The following SCAI variants were observed in gnomAD, a reference collection of about 807,000 sequenced individuals.
SCAI encodes the protein protein SCAI.
Under a neutral mutation model 92.2 loss-of-function variants are expected in SCAI, and 24 were observed. The ratio of observed to expected loss-of-function variants is 0.26; its 90% CI spans 0.19 to 0.37. The LOEUF (loss-of-function observed/expected upper bound fraction) is 0.37. Among genes scored for constraint, SCAI ranks in the 10% least tolerant of loss-of-function variants. SCAI has a pLI of 1.00. For missense variants in SCAI, 450 were observed against 736.2 expected (o/e 0.61, Z 4.50); for synonymous variants, 261 against 258.6 (o/e 1.01, Z -0.09).
chr9:125,046,432 T>C (rs913641745), intron 3 of SCAI, among the ~76,000 whole-genome samples: 1 of 145,042 alleles, frequency 6.9e-6, no homozygotes, highest in Non-Finnish European at 1.5e-5. Context: ...GAGACCATTA[T>C]TCTAAGTTAA....
At chr9:125,025,208 C>A (rs1832944849) in intron 6 of SCAI, among the ~76,000 whole-genome samples, 1 of 152,204 alleles carries the variant, frequency 6.6e-6, no homozygotes, top group East Asian at 1.9e-4. Context: ...CAAGGTTTTG[C>A]ACACCAGATT....
intron 17 of SCAI, 109 bp downstream of exon 17, chr9:124,971,261 A>G (rs146836759): frequency 5.2e-5 from 28 of 533,904 alleles, no homozygotes; most frequent in Non-Finnish European, 8.7e-5. Flanking sequence ...GAATTTATCC[A>G]AAATAATATT....
chr9:125,116,341 A>G (rs924030650), intron 2 of SCAI, among the ~76,000 whole-genome samples: 33 of 152,224 alleles, frequency 2.2e-4, no homozygotes, highest in African/African-American at 7.7e-4. Flanking sequence ...TCAACAAAGA[A>G]ATATCCCTGC....
At chr9:125,114,119 G>C (rs1046254756) in intron 2 of SCAI, among the ~76,000 whole-genome samples, 2 of 152,156 alleles carry the variant, frequency 1.3e-5, no homozygotes, top group African/African-American at 4.8e-5. Flanking sequence ...AAATTTTCAA[G>C]GTAAATACGG....
intron 2 of SCAI, among the ~76,000 whole-genome samples, chr9:125,099,786 T>C (rs527891899): frequency 5.3e-5 from 8 of 152,372 alleles, no homozygotes; most frequent in African/African-American, 1.9e-4. Context: ...AGTGGAATCA[T>C]ATTTGTCGTT....
chr9:125,062,746 G>A (rs1334377598), intron 2 of SCAI, among the ~76,000 whole-genome samples: 10 of 151,892 alleles, frequency 6.6e-5, no homozygotes, highest in Admixed American at 4.6e-4. Context: ...CAAAGGCCGG[G>A]TGAGGTGGCT....
chr9:125,094,684 T>C (rs920985232), intron 2 of SCAI, among the ~76,000 whole-genome samples: 1 of 152,134 alleles, frequency 6.6e-6, no homozygotes, highest in African/African-American at 2.4e-5. Flanking sequence ...GTGTTTTCTA[T>C]AGAGACAGGG....
intron 2 of SCAI, among the ~76,000 whole-genome samples, chr9:125,072,379 G>GT (rs1177113510): frequency 6.6e-6 from 1 of 152,072 alleles, no homozygotes; most frequent in Non-Finnish European, 1.5e-5. Flanking sequence ...AGTAACTGTA[G>GT]TAAGAATTAT....
intron 2 of SCAI, among the ~76,000 whole-genome samples, chr9:125,093,890 A>G (rs1834494030): frequency 6.6e-6 from 1 of 151,826 alleles, no homozygotes. Flanking sequence ...TAATCTACAC[A>G]CTGGACTTCT....
At chr9:125,072,231 C>T (rs1050845667) in intron 2 of SCAI, among the ~76,000 whole-genome samples, 9 of 152,082 alleles carry the variant, frequency 5.9e-5, no homozygotes, top group African/African-American at 2.2e-4. Context: ...ACCATGTTGG[C>T]CAGGATGGTC....
chr9:124,953,623 G>C lies in SCAI; in HGVS notation c.1675-670C>G, dbSNP rs370680779. Among the ~76,000 whole-genome samples, 17 of 152,128 alleles carry C rather than the reference G, an allele frequency of 1.1e-4. 1 individual carries two copies. In the East Asian group the frequency reaches 1.9e-3, roughly 17 times the overall value. Reference sequence around the variant, plus strand: ...CCCAGGTGTTTCACCATGTTGGCCAGCCTGGTCTCGAACTCCTGAACTCAG... The same window carrying C: ...CCCAGGTGTTTCACCATGTTGGCCACCCTGGTCTCGAACTCCTGAACTCAG... On this transcript the variant is annotated intron_variant, in intron 17 of 17. Coordinates refer to ENST00000336505, the MANE Select transcript of SCAI (RefSeq NM_001144877.3).
intron 6 of SCAI, among the ~76,000 whole-genome samples, chr9:125,025,934 G>A (rs1195916327): frequency 6.6e-6 from 1 of 152,216 alleles, no homozygotes; most frequent in Non-Finnish European, 1.5e-5. Context: ...AAAACTGTGA[G>A]TTGTGTTGCT....
intron 9 of SCAI, among the ~76,000 whole-genome samples, chr9:125,011,148 A>T (rs10819025): frequency 1.4e-3 from 194 of 141,532 alleles, no homozygotes; most frequent in South Asian, 2.0e-3. Flanking sequence ...AAAGGAATGC[A>T]GCTCCTCACC....
intron 14 of SCAI, among the ~76,000 whole-genome samples, chr9:124,989,235 GA>G (rs761491484): frequency 6.6e-6 from 1 of 152,186 alleles, no homozygotes; most frequent in Non-Finnish European, 1.5e-5. Context: ...TCCAGACACT[GA>G]AAATGTGTTG....
At chr9:125,102,018 A>G (rs1326816622) in intron 2 of SCAI, among the ~76,000 whole-genome samples, 1 of 152,162 alleles carries the variant, frequency 6.6e-6, no homozygotes, top group African/African-American at 2.4e-5. Flanking sequence ...CTCCAACACT[A>G]TGGACACTTG....
At chr9:125,080,103 G>A (rs1238074059) in intron 2 of SCAI, among the ~76,000 whole-genome samples, 3 of 152,116 alleles carry the variant, frequency 2.0e-5, no homozygotes, top group Admixed American at 1.3e-4. Flanking sequence ...GTAGCTGGAA[G>A]GAGGAAGAAA....
chr9:125,007,970 G>A (rs377701875), intron 9 of SCAI, among the ~76,000 whole-genome samples: 87 of 149,410 alleles, frequency 5.8e-4, no homozygotes, highest in African/African-American at 1.2e-3. Flanking sequence ...CTCAGCCTCC[G>A]GAGTAGCTGG....
intron 9 of SCAI, among the ~76,000 whole-genome samples, chr9:125,004,033 G>A (rs919516315): frequency 5.9e-5 from 9 of 151,940 alleles, no homozygotes; most frequent in South Asian, 2.1e-4. Flanking sequence ...AAAATTAGCC[G>A]GGTGTGGTGG....
intron 2 of SCAI, among the ~76,000 whole-genome samples, chr9:125,075,952 C>T (rs1040247152): frequency 6.6e-6 from 1 of 152,170 alleles, no homozygotes; most frequent in African/African-American, 2.4e-5. Flanking sequence ...CTCTCATCGG[C>T]CTCCCAAAGT....
Sources: allele counts gnomAD v4.1 joint callset (sites outside exome capture counted in the v4.1 genomes callset), GRCh38; gene constraint gnomAD v4.1.1; transcripts MANE v1.5; gene names NCBI Gene and HGNC (gene_info 2026-07-23, HGNC 2026-07-21).